Variants in LIN28B observed in about 807,000 individuals in gnomAD.
The protein encoded by LIN28B is protein lin-28 homolog B.
A neutral mutation model predicts 21.9 loss-of-function variants in LIN28B; 5 were observed. The observed-to-expected ratio is 0.23, with a 90% CI of 0.12 to 0.48. LIN28B has a LOEUF of 0.48. LIN28B is among the 20% of genes least tolerant of loss of function. The probability of loss-of-function intolerance (pLI) is 0.98; values close to 1 mark genes in which losing one functional copy is unlikely to be tolerated. For missense variants in LIN28B, 245 were observed against 310.5 expected (o/e 0.79, Z 1.58); for synonymous variants, 109 against 111.3 (o/e 0.98, Z 0.13).
intron 2 of LIN28B, among the ~76,000 whole-genome samples, chr6:105,023,475 AATTATATT>A (rs1771197599): frequency 9.5e-4 from 1 of 1,052 alleles, no homozygotes; most frequent in African/African-American, 2.5e-3. Context: ...TAATATATAT[AATTATATT>A]ATATATAATA....
At chr6:105,017,875 A>G (rs1208618425) in intron 2 of LIN28B, among the ~76,000 whole-genome samples, 1 of 152,188 alleles carries the variant, frequency 6.6e-6, no homozygotes, top group Non-Finnish European at 1.5e-5. Context: ...CTGCACAGGT[A>G]CCCCCTAAAT....
intron 2 of LIN28B, among the ~76,000 whole-genome samples, chr6:104,998,004 G>T (rs1458664093): frequency 6.6e-6 from 1 of 152,180 alleles, no homozygotes; most frequent in Non-Finnish European, 1.5e-5. Flanking sequence ...ATTGTTGAAA[G>T]ATTGTTTTAA....
Position 104,958,193 on chromosome 6 carries a change from G to A in LIN28B, c.105G>A (p.Lys35=). The change falls in exon 2 of 4, where the codon AAG becomes AAA. Residue 35 remains lysine, a synonymous_variant. Coordinates refer to ENST00000345080, the MANE Select transcript of LIN28B (RefSeq NM_001004317.4). ...TTTTGCGCGGAACTGGCCACTGTAAGTGGTTCAATGTGCGCATGGGATTTG... is the reference window on the plus strand; with the variant it reads ...TTTTGCGCGGAACTGGCCACTGTAAATGGTTCAATGTGCGCATGGGATTTG... ...SQVLRGTGHC[K]WFNVRMGFGF... 2.5e-6 allele frequency: 4 copies of A among 1,608,744 alleles called. No individual in the cohort carries two copies. Among genetic ancestry groups the A allele is most frequent in the Non-Finnish European group, 3.4e-6 (4 of 1,175,738 alleles).
intron 3 of LIN28B, among the ~76,000 whole-genome samples, chr6:105,030,359 T>G (rs1771393872): frequency 6.6e-6 from 1 of 152,192 alleles, no homozygotes; most frequent in African/African-American, 2.4e-5. Context: ...TCAAAGATCT[T>G]TGATAACTTT....
rs547248914 is a variant in LIN28B, at chr6:105,076,472, A to G, written c.384-1942A>G. Among the ~76,000 whole-genome samples, 28 of 152,362 alleles carry G rather than the reference A, an allele frequency of 1.8e-4. No individual in the cohort carries two copies. In the South Asian group the frequency reaches 4.8e-3, roughly 26 times the overall value. On this transcript the variant is annotated intron_variant, in intron 3 of 3. Coordinates refer to ENST00000345080, the MANE Select transcript of LIN28B (RefSeq NM_001004317.4). ...ATACACTGCTTAGTAGGTTGTTAGTACCTTAGTAGTTTGTCTATGAAATAT... is the reference window on the plus strand; with the variant it reads ...ATACACTGCTTAGTAGGTTGTTAGTGCCTTAGTAGTTTGTCTATGAAATAT...
intron 3 of LIN28B, among the ~76,000 whole-genome samples, chr6:105,054,623 A>C (rs954979503): frequency 3.3e-5 from 5 of 152,218 alleles, no homozygotes; most frequent in African/African-American, 9.6e-5. Context: ...GGACTGACTA[A>C]TTCTGTGGAG....
chr6:105,026,184 C>T (rs1450926902), intron 2 of LIN28B, 114 bp from the exon 3 acceptor site: 2 of 543,504 alleles, frequency 3.7e-6, no homozygotes, highest in Admixed American at 7.1e-5. Context: ...AGACTTTATA[C>T]TTTTGTAATG....
intron 2 of LIN28B, among the ~76,000 whole-genome samples, chr6:104,944,558 TATA>T (rs1472965085): frequency 6.6e-6 from 1 of 152,062 alleles, no homozygotes; most frequent in Non-Finnish European, 1.5e-5. Context: ...ATTTTGAAAT[TATA>T]ATGATATTGA....
intron 2 of LIN28B, among the ~76,000 whole-genome samples, chr6:105,015,087 C>T (rs550169822): frequency 3.2e-4 from 49 of 152,014 alleles, no homozygotes; most frequent in Middle Eastern, 6.8e-3. Context: ...ATGAATTTTT[C>T]CCCCAGTTGT....
chr6:105,000,672 A>T, intron 2 of LIN28B, among the ~76,000 whole-genome samples: 1 of 151,580 alleles, frequency 6.6e-6, no homozygotes, highest in Non-Finnish European at 1.5e-5. Flanking sequence ...AAAATTTAAA[A>T]TATTTATTAA....
intron 2 of LIN28B, among the ~76,000 whole-genome samples, chr6:105,008,885 T>C (rs1770868904): frequency 6.6e-6 from 1 of 152,208 alleles, no homozygotes; most frequent in Non-Finnish European, 1.5e-5. Context: ...TAAGGGTAGT[T>C]ATTTTTTACT....
At chr6:104,966,783 G>A (rs1241122441) in intron 2 of LIN28B, among the ~76,000 whole-genome samples, 4 of 151,932 alleles carry the variant, frequency 2.6e-5, no homozygotes, top group Admixed American at 6.6e-5. Flanking sequence ...CACCACGCCC[G>A]GCTAATTTTT....
rs531583710 is a variant in LIN28B, at chr6:104,977,595, G to A, written c.198+19309G>A. Among the ~76,000 whole-genome samples, 3 of 151,982 alleles carry A rather than the reference G, an allele frequency of 2.0e-5. No individual in the cohort carries two copies. In the South Asian group the frequency reaches 6.2e-4, roughly 32 times the overall value. ...TGTTGTTGTTGTTGTTGAGACAGACGATCACTCTGGCAGCCAGGCTGGAGT... is the reference window on the plus strand; with the variant it reads ...TGTTGTTGTTGTTGTTGAGACAGACAATCACTCTGGCAGCCAGGCTGGAGT... On this transcript the variant is annotated intron_variant, in intron 2 of 3. Coordinates refer to ENST00000345080, the MANE Select transcript of LIN28B (RefSeq NM_001004317.4).
chr6:105,050,437 C>T (rs1771874997), intron 3 of LIN28B, among the ~76,000 whole-genome samples: 1 of 151,290 alleles, frequency 6.6e-6, no homozygotes, highest in South Asian at 2.1e-4. Flanking sequence ...CCCGTCTCTA[C>T]TAAAAATACA....
intron 2 of LIN28B, among the ~76,000 whole-genome samples, chr6:104,968,487 G>A (rs1769908711): frequency 6.6e-6 from 1 of 152,014 alleles, no homozygotes; most frequent in South Asian, 2.1e-4. Context: ...TTAAATCTTT[G>A]TCATAACAGC....
At chr6:105,031,032 AACATGT>A (rs1771412269) in intron 3 of LIN28B, among the ~76,000 whole-genome samples, 1 of 152,162 alleles carries the variant, frequency 6.6e-6, no homozygotes, top group East Asian at 1.9e-4. Flanking sequence ...ATGGCCGCCA[AACATGT>A]ATGCCCACCT....
chr6:105,033,060 C>T (rs1233841554), intron 3 of LIN28B, among the ~76,000 whole-genome samples: 5 of 152,016 alleles, frequency 3.3e-5, no homozygotes, highest in Non-Finnish European at 7.4e-5. Flanking sequence ...GATGATTTAT[C>T]AATCTTTACA....
At chr6:105,076,000 G>C (rs1772417590) in intron 3 of LIN28B, among the ~76,000 whole-genome samples, 4 of 152,198 alleles carry the variant, frequency 2.6e-5, no homozygotes, top group Non-Finnish European at 5.9e-5. Context: ...GAGGAGAACT[G>C]TGTGGGAAAA....
At chr6:104,955,914 A>G (rs1468896676), upstream of LIN28B, among the ~76,000 whole-genome samples, 3 of 152,140 alleles carry the variant, frequency 2.0e-5, no homozygotes, top group Non-Finnish European at 4.4e-5. Context: ...TGTTGCCAGC[A>G]TCTTGTAATC....
Sources: gnomAD v4.1 joint callset for allele counts (sites outside exome capture counted in the v4.1 genomes callset) on GRCh38, gnomAD v4.1.1 for gene constraint, MANE v1.5 for transcripts, NCBI Gene and HGNC (gene_info 2026-07-23, HGNC 2026-07-21) for gene names.